Variants in CD226 observed in about 807,000 individuals in gnomAD.
CD226 encodes the protein CD226 antigen.
In CD226, 24 loss-of-function variants were observed where a neutral mutation model predicts 34.9. The observed-to-expected ratio is 0.69, with a 90% CI of 0.50 to 0.97. CD226 has a LOEUF of 0.97. Among genes scored for constraint, CD226 ranks in the 50% least tolerant of loss-of-function variants. The pLI, the probability that CD226 is intolerant of heterozygous loss-of-function variation, is 0.00. For synonymous variants in CD226, 148 were observed against 147.4 expected, an observed-to-expected ratio of 1.00 and a Z score of -0.03; for missense variants, 397 against 412.7, an observed-to-expected ratio of 0.96 and a Z score of 0.33.
intron 2 of CD226, among the ~76,000 whole-genome samples, chr18:69,898,713 C>A (rs188305056): frequency 5.9e-5 from 9 of 152,304 alleles, no homozygotes; most frequent in African/African-American, 2.2e-4. Flanking sequence ...AGATGAAAAT[C>A]AAGACCTATT....
rs1982832632 is a variant in CD226 at position 69,861,572 on chromosome 18, A to ATATATATATATATATATATG, written c.*2741_*2742insCATATATATATATATATATA. 6.9e-6 allele frequency: 1 copy of ATATATATATATATATATATG among 144,932 alleles called. No individual in the cohort carries two copies. The highest frequency in any genetic ancestry group is 1.5e-5 in the Non-Finnish European group (1 of 66,012). The allele number at this position is 144,932 out of a possible 1,614,324, so 9.0% of individuals were successfully genotyped here. On this transcript the variant is annotated 3_prime_UTR_variant, in exon 6 of 6. Transcript: ENST00000582621. ...TATATATGTATATATATATATATAT[A>ATATATATATATATATATATG]TGTAAAACTTAAGAAGCATTTTGCT...
At chr18:69,876,369 G>A (rs1211565920) in intron 3 of CD226, among the ~76,000 whole-genome samples, 1 of 152,124 alleles carries the variant, frequency 6.6e-6, no homozygotes, top group Non-Finnish European at 1.5e-5. Context: ...TTGAAAGTAC[G>A]ACCACTTGTG....
At chr18:69,950,577 G>A (rs1461273823), upstream of CD226, among the ~76,000 whole-genome samples, 1 of 152,166 alleles carries the variant, frequency 6.6e-6, no homozygotes, top group Non-Finnish European at 1.5e-5. Flanking sequence ...AGAAGCAGGA[G>A]GCTGTGGCCA....
rs958675936 is a variant in CD226, at chr18:69,855,456, A to G, written c.*8858T>C. 6.6e-6 allele frequency: 1 copy of G among 152,232 alleles called. No homozygotes were observed. Among genetic ancestry groups the G allele is most frequent in the Non-Finnish European group, 1.5e-5 (1 of 68,032 alleles). 9.4% of individuals were successfully genotyped at this position (152,232 alleles called of 1,614,324 possible). ...AGCTAGGCCAATAGAAACTTTTCAA[A>G]CTAAAATTCAAAGAGTGGGAAAAAC... On this transcript the variant is annotated 3_prime_UTR_variant, in exon 6 of 6. Coordinates refer to ENST00000582621, the MANE Select transcript of CD226 (RefSeq NM_001303618.2).
intron 3 of CD226, among the ~76,000 whole-genome samples, chr18:69,877,431 C>A (rs1232517391): frequency 1.3e-5 from 2 of 152,184 alleles, no homozygotes; most frequent in African/African-American, 4.8e-5. Context: ...CTCCAAACCC[C>A]ATCCTCTTGG....
At chr18:69,946,180 C>CAAAAAAAAAAAAAAAA (rs60750165) in intron 2 of CD226, among the ~76,000 whole-genome samples, 1 of 66,376 alleles carries the variant, frequency 1.5e-5, no homozygotes, top group African/African-American at 7.3e-5. Flanking sequence ...AAGACTCCAT[C>CAAAAAAAAAAAAAAAA]AAAAAAAAAA....
intron 2 of CD226, among the ~76,000 whole-genome samples, chr18:69,944,907 T>C (rs2055770797): frequency 6.6e-6 from 1 of 152,194 alleles, no homozygotes; most frequent in Non-Finnish European, 1.5e-5. Flanking sequence ...ATACACAAAA[T>C]TAGTCTTCAC....
chr18:69,939,651 A>C (rs747002410), intron 2 of CD226, among the ~76,000 whole-genome samples: 7 of 152,210 alleles, frequency 4.6e-5, no homozygotes, highest in Non-Finnish European at 7.3e-5. Flanking sequence ...TGGGGTTTTT[A>C]ACTAGCTAAT....
At chr18:69,923,549 T>C (rs577673172) in intron 2 of CD226, among the ~76,000 whole-genome samples, 34 of 152,268 alleles carry the variant, frequency 2.2e-4, no homozygotes, top group African/African-American at 7.9e-4. Flanking sequence ...TAACTTTATC[T>C]CCAGAAATCC....
chr18:69,933,665 A>AT (rs2055616170), intron 2 of CD226, among the ~76,000 whole-genome samples: 1 of 152,220 alleles, frequency 6.6e-6, no homozygotes, highest in African/African-American at 2.4e-5. Flanking sequence ...ATTTACAGGG[A>AT]TTTTTTAATT....
rs1186958220 is a variant in CD226 at position 69,856,308 on chromosome 18, A to G, written c.*8006T>C. Reference sequence around the variant, plus strand: ...ATCAAGATACATGAGACAAAAACTAACAAAACTGCAAGGAGAAATAGAAAA... The same window carrying G: ...ATCAAGATACATGAGACAAAAACTAGCAAAACTGCAAGGAGAAATAGAAAA... On this transcript the variant is annotated 3_prime_UTR_variant, in exon 6 of 6. Transcript: ENST00000582621. 6.6e-6 allele frequency: 1 copy of G among 152,226 alleles called. No individual in the cohort carries two copies. Among genetic ancestry groups the G allele is most frequent in the Non-Finnish European group, 1.5e-5 (1 of 68,032 alleles). 9.4% of individuals were successfully genotyped at this position (152,226 alleles called of 1,614,324 possible).
At chr18:69,880,881 C>A (rs1031842640) in intron 3 of CD226, among the ~76,000 whole-genome samples, 1 of 152,112 alleles carries the variant, frequency 6.6e-6, no homozygotes, top group Admixed American at 6.5e-5. Flanking sequence ...GAACTCCTGA[C>A]CTCGAGGGAT....
intron 1 of CD226, among the ~76,000 whole-genome samples, chr18:69,956,432 G>C (rs1338309910): frequency 6.6e-6 from 1 of 152,180 alleles, no homozygotes; most frequent in Non-Finnish European, 1.5e-5. Context: ...ATTTAAGCTT[G>C]ACAGACCAGA....
chr18:69,938,006 G>A (rs2055676101), intron 2 of CD226, among the ~76,000 whole-genome samples: 1 of 152,208 alleles, frequency 6.6e-6, no homozygotes, highest in Admixed American at 6.5e-5. Context: ...CCTGAAGGGT[G>A]TAGAGATAAG....
Position 69,855,664 on chromosome 18 carries a change from G to A in CD226, c.*8650C>T, listed in dbSNP as rs766700112. 2 of 152,044 alleles carry A rather than the reference G, an allele frequency of 1.3e-5. No homozygotes were observed. The highest frequency in any genetic ancestry group is 2.4e-5 in the African/African-American group (1 of 41,396). 9.4% of individuals were successfully genotyped at this position (152,044 alleles called of 1,614,324 possible). On this transcript the variant is annotated 3_prime_UTR_variant, in exon 6 of 6. Coordinates refer to ENST00000582621, the MANE Select transcript of CD226 (RefSeq NM_001303618.2). ...GGGGAAAAGGAGAAAAACCTAGGTT[G>A]ATCAATGAAAGATATGCCACGAGAG...
chr18:69,896,003 G>T lies in CD226; in HGVS notation c.425C>A (p.Ser142Ter). 1 of 1,612,958 alleles carries T rather than the reference G, an allele frequency of 6.2e-7. No individual in the cohort carries two copies. The highest frequency in any genetic ancestry group is 1.1e-5 in the South Asian group (1 of 91,070). The change falls in exon 3 of 6, where the codon TCG (serine) becomes TAG (stop). Residue 142 changes from serine to a stop codon, truncating the protein, a stop_gained. Transcript: ENST00000582621. LOFTEE classifies it high-confidence loss of function. ...AAVPSNSHIV[S>*]EPGKNVTLTC... ...GAGTGTGACATTCTTTCCAGGTTCCGAAACAATGTGGCTATTTGATGGCAC... is the reference window on the plus strand; with the variant it reads ...GAGTGTGACATTCTTTCCAGGTTCCTAAACAATGTGGCTATTTGATGGCAC...
intron 2 of CD226, among the ~76,000 whole-genome samples, chr18:69,922,657 A>C (rs1403137772): frequency 1.3e-5 from 2 of 152,058 alleles, no homozygotes; most frequent in African/African-American, 4.8e-5. Flanking sequence ...AGAAATGAGG[A>C]CTCATCTCTC....
intron 2 of CD226, among the ~76,000 whole-genome samples, chr18:69,940,177 C>T (rs763191977): frequency 6.6e-6 from 1 of 152,138 alleles, no homozygotes; most frequent in African/African-American, 2.4e-5. Flanking sequence ...ATTTGCTTCC[C>T]CTTCCACCAT....
chr18:69,920,092 AGGATCAAG>A (rs2055433567), intron 2 of CD226, among the ~76,000 whole-genome samples: 1 of 152,028 alleles, frequency 6.6e-6, no homozygotes, highest in Non-Finnish European at 1.5e-5. Context: ...CTCGAACTCT[AGGATCAAG>A]GGATCTGCCT....
Sources: gnomAD v4.1 joint callset for allele counts (sites outside exome capture counted in the v4.1 genomes callset) on GRCh38, gnomAD v4.1.1 for gene constraint, MANE v1.5 for transcripts, NCBI Gene and HGNC (gene_info 2026-07-23, HGNC 2026-07-21) for gene names.